Variants in CADPS2 observed in about 807,000 individuals in gnomAD.
The protein encoded by CADPS2 is calcium-dependent secretion activator 2.
Under a neutral mutation model 172.5 loss-of-function variants are expected in CADPS2, and 93 were observed. The observed-to-expected ratio is 0.54, with a 90% CI of 0.46 to 0.64. The LOEUF is 0.64. CADPS2 is among the 30% of genes least tolerant of loss of function. The pLI, the probability that CADPS2 is intolerant of heterozygous loss-of-function variation, is 0.00. For synonymous variants in CADPS2, 546 were observed against 555.2 expected, an observed-to-expected ratio of 0.98 and a Z score of 0.23; for missense variants, 1,420 against 1,565.9, an observed-to-expected ratio of 0.91 and a Z score of 1.57.
At chr7:122,794,753 A>T (rs7788208) in intron 1 of CADPS2, among the ~76,000 whole-genome samples, 2,551 of 118,086 alleles carry the variant, frequency 0.022, 67 homozygotes, top group African/African-American at 0.069. Flanking sequence ...AAATCATTTT[A>T]AAAAAAAAAA....
intron 8 of CADPS2, among the ~76,000 whole-genome samples, chr7:122,517,355 A>G (rs1315341521): frequency 6.6e-6 from 1 of 152,110 alleles, no homozygotes; most frequent in African/African-American, 2.4e-5. Context: ...TAAAGCTATT[A>G]TGAACACTTG....
At chr7:122,614,212 G>A (rs1298804354) in intron 6 of CADPS2, among the ~76,000 whole-genome samples, 1 of 152,030 alleles carries the variant, frequency 6.6e-6, no homozygotes, top group Non-Finnish European at 1.5e-5. Flanking sequence ...TGAGAGATTG[G>A]TCAAGGGCAG....
chr7:122,469,070 T>C (rs1429232123), intron 14 of CADPS2, among the ~76,000 whole-genome samples: 2 of 152,156 alleles, frequency 1.3e-5, no homozygotes, highest in South Asian at 2.1e-4. Context: ...ATACCTTGAA[T>C]TACACATTAC....
rs1466696986 is a variant in CADPS2 at position 122,352,573 on chromosome 7, C to T, written c.3505-6892G>A. On this transcript the variant is annotated intron_variant, in intron 27 of 29. Coordinates refer to ENST00000449022, the MANE Select transcript of CADPS2 (RefSeq NM_017954.11). ...TGGAAAGCACAACACACAACCTCCT[C>T]CACTCCTAGACGAGTGAGGCTCTTA... Among the ~76,000 whole-genome samples the T allele has an allele frequency of 1.3e-5, 2 of 152,236 alleles. 1 individual carries two copies. Among genetic ancestry groups the T allele is most frequent in the East Asian group, 3.9e-4 (2 of 5,192 alleles).
chr7:122,488,171 C>A (rs984308071), intron 11 of CADPS2, among the ~76,000 whole-genome samples: 3 of 152,046 alleles, frequency 2.0e-5, no homozygotes, highest in Non-Finnish European at 4.4e-5. Context: ...AATAGATCAG[C>A]TGGATGGAAG....
chr7:122,421,871 T>C (rs1308434656), intron 17 of CADPS2: 1 of 152,228 alleles, frequency 6.6e-6, no homozygotes, highest in Non-Finnish European at 1.5e-5. Flanking sequence ...TTTTTCAGAA[T>C]GAAATTATTG....
At chr7:122,714,063 T>C (rs1338437569) in intron 2 of CADPS2, among the ~76,000 whole-genome samples, 1 of 152,094 alleles carries the variant, frequency 6.6e-6, no homozygotes, top group Non-Finnish European at 1.5e-5. Flanking sequence ...GATTCAAATT[T>C]AGTTTGAGAT....
At chr7:122,508,223 T>C (rs1382603680) in intron 9 of CADPS2, among the ~76,000 whole-genome samples, 1 of 152,046 alleles carries the variant, frequency 6.6e-6, no homozygotes. Context: ...TGTGGATTTT[T>C]AGCCAGCAAT....
chr7:122,589,853 T>C (rs1378645749), intron 6 of CADPS2, among the ~76,000 whole-genome samples: 1 of 151,918 alleles, frequency 6.6e-6, no homozygotes, highest in East Asian at 1.9e-4. Context: ...TGTATCTCTA[T>C]GCTTATGTGT....
At chr7:122,684,407 T>C (rs1047105273) in intron 2 of CADPS2, among the ~76,000 whole-genome samples, 15 of 152,092 alleles carry the variant, frequency 9.9e-5, no homozygotes, top group Middle Eastern at 3.4e-3. Context: ...TTTAAACATA[T>C]AGAAAAGTTT....
chr7:122,668,761 C>T (rs2081455197), intron 2 of CADPS2, among the ~76,000 whole-genome samples: 1 of 152,080 alleles, frequency 6.6e-6, no homozygotes, highest in Non-Finnish European at 1.5e-5. Flanking sequence ...TTATCATCAC[C>T]AGGTCACTTT....
intron 5 of CADPS2, among the ~76,000 whole-genome samples, chr7:122,618,893 C>T (rs941881227): frequency 3.3e-5 from 5 of 152,162 alleles, no homozygotes. Flanking sequence ...GCTTAAAATA[C>T]TGTGGACATT....
At chr7:122,673,469 T>A (rs765240601) in intron 2 of CADPS2, among the ~76,000 whole-genome samples, 4 of 152,110 alleles carry the variant, frequency 2.6e-5, no homozygotes, top group Non-Finnish European at 5.9e-5. Flanking sequence ...ATTAGCTAGA[T>A]ACAGAGTGCT....
chr7:122,555,290 G>T (rs1422588671), intron 7 of CADPS2, among the ~76,000 whole-genome samples: 2 of 151,962 alleles, frequency 1.3e-5, no homozygotes, highest in Non-Finnish European at 2.9e-5. Flanking sequence ...TAACAAAACT[G>T]CCAAATTGAC....
chr7:122,819,085 A>G (rs577339460), intron 1 of CADPS2, among the ~76,000 whole-genome samples: 2 of 152,316 alleles, frequency 1.3e-5, no homozygotes, highest in South Asian at 4.1e-4. Flanking sequence ...CCTTGCCTCC[A>G]CTGTGAGACA....
intron 6 of CADPS2, among the ~76,000 whole-genome samples, chr7:122,607,763 G>A (rs182723092): frequency 6.6e-6 from 1 of 151,964 alleles, no homozygotes; most frequent in African/African-American, 2.4e-5. Flanking sequence ...ATCTCTTTAG[G>A]CTTCATTTTG....
At chr7:122,701,989 A>C in intron 2 of CADPS2, 3 of 1,613,676 alleles carry the variant, frequency 1.9e-6, no homozygotes, top group Non-Finnish European at 2.5e-6. Context: ...AGTTGTCTTC[A>C]TTTAGGTCTA....
chr7:122,403,379 G>A (rs1042894689), intron 20 of CADPS2, among the ~76,000 whole-genome samples: 5 of 152,032 alleles, frequency 3.3e-5, no homozygotes, highest in African/African-American at 1.2e-4. Context: ...AATAATTGAG[G>A]TTTTCTAAAA....
At position 122,345,657 on chromosome 7, in the gene CADPS2, T is replaced by A. The variant is rs763748395; in HGVS notation, c.3529A>T (p.Thr1177Ser). Reference protein sequence around the residue: ...VPKPGMDLADTYIMFVRQNQD... With the variant: ...VPKPGMDLADSYIMFVRQNQD... ...TTTTGCCGAACAAACATAATATAGG[T>A]GTCTGCCAGATCCATTCCTGGTTTC... The change falls in exon 28 of 30, where the codon ACC (threonine) becomes TCC (serine). Residue 1177 changes from threonine (T) to serine (S), a missense_variant. Coordinates refer to ENST00000449022, the MANE Select transcript of CADPS2 (RefSeq NM_017954.11). 7 of 1,612,512 alleles carry A rather than the reference T, an allele frequency of 4.3e-6. No homozygotes were observed. The highest frequency in any genetic ancestry group is 5.1e-6 in the Non-Finnish European group (6 of 1,178,944).
Sources: allele counts gnomAD v4.1 joint callset (sites outside exome capture counted in the v4.1 genomes callset), GRCh38; gene constraint gnomAD v4.1.1; transcripts MANE v1.5; gene names NCBI Gene and HGNC (gene_info 2026-07-23, HGNC 2026-07-21).